Variants in PDE4B observed in about 807,000 individuals in gnomAD.
PDE4B encodes phosphodiesterase 4B, also known as 3',5'-cyclic-AMP phosphodiesterase 4B.
Under a neutral mutation model 82.2 loss-of-function variants are expected in PDE4B, and 20 were observed. The ratio of observed to expected loss-of-function variants is 0.24; its 90% CI spans 0.17 to 0.35. The LOEUF is 0.35. PDE4B is among the 10% of genes least tolerant of loss of function. PDE4B has a pLI of 1.00. For synonymous variants in PDE4B, 320 were observed against 318.9 expected (o/e 1.00, Z -0.04); for missense variants, 655 against 907.2 (o/e 0.72, Z 3.57).
chr1:66,018,208 G>C (rs1201029612), intron 3 of PDE4B, among the ~76,000 whole-genome samples: 1 of 152,072 alleles, frequency 6.6e-6, no homozygotes, highest in East Asian at 1.9e-4. Flanking sequence ...ACGAGGTCAG[G>C]AGGTCGAGAC....
intron 3 of PDE4B, among the ~76,000 whole-genome samples, chr1:66,242,308 A>G (rs1652950831): frequency 6.6e-6 from 1 of 152,238 alleles, no homozygotes; most frequent in African/African-American, 2.4e-5. Context: ...GTTATAATTC[A>G]ATGATATAAA....
At chr1:66,070,591 A>C (rs752222990) in intron 3 of PDE4B, among the ~76,000 whole-genome samples, 4 of 151,986 alleles carry the variant, frequency 2.6e-5, no homozygotes, top group Non-Finnish European at 5.9e-5. Flanking sequence ...GATTTAGGCT[A>C]GGGAAAAAGT....
At chr1:66,175,028 G>C (rs1316114163) in intron 3 of PDE4B, among the ~76,000 whole-genome samples, 2 of 152,046 alleles carry the variant, frequency 1.3e-5, no homozygotes, top group Non-Finnish European at 1.5e-5. Context: ...CAGCATGGAG[G>C]AACCTGCCCC....
At chr1:65,987,854 T>C (rs1651036132) in intron 3 of PDE4B, among the ~76,000 whole-genome samples, 1 of 152,230 alleles carries the variant, frequency 6.6e-6, no homozygotes, top group Non-Finnish European at 1.5e-5. Flanking sequence ...CATCAGGTGA[T>C]CCGCCCGCAT....
chr1:65,921,815 G>T (rs1647259166), intron 3 of PDE4B, among the ~76,000 whole-genome samples: 1 of 152,158 alleles, frequency 6.6e-6, no homozygotes. Context: ...GTGATCCTAG[G>T]ATTTGATCAT....
At chr1:66,056,104 C>A (rs533450679) in intron 3 of PDE4B, among the ~76,000 whole-genome samples, 13 of 152,122 alleles carry the variant, frequency 8.5e-5, no homozygotes, top group Non-Finnish European at 1.6e-4. Flanking sequence ...ATGCTACTAA[C>A]TTTTTTTAAA....
intron 3 of PDE4B, among the ~76,000 whole-genome samples, chr1:66,126,932 A>G (rs949503105): frequency 9.2e-5 from 14 of 152,208 alleles, no homozygotes; most frequent in African/African-American, 2.7e-4. Flanking sequence ...CATCACTTAC[A>G]AGGACATTCT....
intron 3 of PDE4B, among the ~76,000 whole-genome samples, chr1:66,186,311 G>T (rs1231323052): frequency 1.3e-5 from 2 of 152,042 alleles, no homozygotes; most frequent in African/African-American, 2.4e-5. Context: ...TTCACTTGGT[G>T]ATGCGGGCCC....
At chr1:66,123,417 C>A (rs569203336) in intron 3 of PDE4B, among the ~76,000 whole-genome samples, 4 of 152,110 alleles carry the variant, frequency 2.6e-5, no homozygotes, top group Non-Finnish European at 5.9e-5. Context: ...ATTATACTTT[C>A]TCAATTTGAT....
chr1:66,328,817 G>GT (rs1659911298), intron 7 of PDE4B, among the ~76,000 whole-genome samples: 1 of 152,232 alleles, frequency 6.6e-6, no homozygotes, highest in Non-Finnish European at 1.5e-5. Context: ...GATGGGACAT[G>GT]TTAGCAGCCG....
At chr1:66,303,750 A>G (rs1032796449) in intron 7 of PDE4B, among the ~76,000 whole-genome samples, 2 of 152,134 alleles carry the variant, frequency 1.3e-5, no homozygotes, top group Non-Finnish European at 2.9e-5. Context: ...GTGTATCCTT[A>G]TGGGAAAACA....
intron 7 of PDE4B, among the ~76,000 whole-genome samples, chr1:66,285,273 T>C (rs560458251): frequency 1.3e-5 from 2 of 152,306 alleles, no homozygotes; most frequent in East Asian, 3.9e-4. Context: ...TGAAGACGTA[T>C]AGTCTTTCAA....
In PDE4B at chr1:66,294,703, A is replaced by C. The variant is rs558320044; in HGVS notation, c.634+28616A>C. Among the ~76,000 whole-genome samples the C allele has an allele frequency of 2.0e-5, 3 of 152,196 alleles. No individual in the cohort carries two copies. In the South Asian group the frequency reaches 6.2e-4, roughly 32 times the overall value. ...TATTAGCTATTTTTTTTATTAATTC[A>C]GTATGTTCCAGCAAAAGAGGAGAAA... On this transcript the variant is annotated intron_variant, in intron 7 of 16. Transcript: ENST00000341517.
In PDE4B at chr1:66,258,384, G is replaced by A. The variant is rs183019533; in HGVS notation, c.584+521G>A. On this transcript the variant is annotated intron_variant, in intron 6 of 16. Coordinates refer to ENST00000341517, the MANE Select transcript of PDE4B (RefSeq NM_002600.4). The stretch of plus-strand genomic sequence containing the variant: ...ATATGATCTTGGCATTTAAATTAAT[G>A]TTGCTGATCCTTGATCTCCGTATCT... Among the ~76,000 whole-genome samples the A allele has an allele frequency of 1.5e-3, 230 of 152,282 alleles. 1 individual carries two copies. In the Middle Eastern group the frequency reaches 0.017, roughly 11 times the overall value.
chr1:66,097,152 G>A (rs79884413), intron 3 of PDE4B, among the ~76,000 whole-genome samples: 4,581 of 152,004 alleles, frequency 0.03, 250 homozygotes, highest in African/African-American at 0.1. Flanking sequence ...ATAAGTATAC[G>A]TTCAACTTTA....
intron 3 of PDE4B, among the ~76,000 whole-genome samples, chr1:65,999,939 C>T (rs1418315160): frequency 6.6e-6 from 1 of 152,192 alleles, no homozygotes; most frequent in Non-Finnish European, 1.5e-5. Flanking sequence ...CTCTCAATAG[C>T]TGTGCTCTCT....
chr1:66,360,337 T>C (rs549875047), intron 9 of PDE4B: 1 of 152,246 alleles, frequency 6.6e-6, no homozygotes, highest in South Asian at 2.1e-4. Context: ...AAGCCAGTAC[T>C]GTCTCACTGT....
intron 3 of PDE4B, among the ~76,000 whole-genome samples, chr1:66,189,981 T>G (rs1647610716): frequency 6.6e-6 from 1 of 152,202 alleles, no homozygotes. Context: ...ACCTTTGGTC[T>G]TTGATGATGG....
At chr1:66,111,064 G>A (rs1242733177) in intron 3 of PDE4B, among the ~76,000 whole-genome samples, 1 of 152,020 alleles carries the variant, frequency 6.6e-6, no homozygotes, top group South Asian at 2.1e-4. Flanking sequence ...AACACTTTTA[G>A]CAAGATTATC....
Sources: allele counts gnomAD v4.1 joint callset (sites outside exome capture counted in the v4.1 genomes callset), GRCh38; gene constraint gnomAD v4.1.1; transcripts MANE v1.5; gene names NCBI Gene and HGNC (gene_info 2026-07-23, HGNC 2026-07-21).